The following ITPR2 variants were observed in gnomAD, a reference collection of about 807,000 sequenced individuals.
The protein encoded by ITPR2 is inositol 1,4,5-trisphosphate receptor type 2, also known as inositol 1,4,5-trisphosphate-gated calcium channel ITPR2.
ITPR2 carries 207 observed loss-of-function variants against 317.1 expected under a neutral mutation model. That is an observed-to-expected ratio of 0.65 (90% CI 0.58 to 0.73). ITPR2 has a LOEUF of 0.73. Ranked by LOEUF, ITPR2 falls within the 30% of genes least tolerant of loss-of-function variation. The pLI is 0.00. For synonymous variants in ITPR2, 1,156 were observed against 1,149.1 expected (o/e 1.01, Z -0.12); for missense variants, 2,613 against 3,284.0 (o/e 0.80, Z 4.99).
At chr12:26,755,731 G>C (rs1011200397) in intron 2 of ITPR2, among the ~76,000 whole-genome samples, 21 of 152,094 alleles carry the variant, frequency 1.4e-4, no homozygotes, top group African/African-American at 5.1e-4. Context: ...TTATTTTACC[G>C]AGGCTTTGAC....
At chr12:26,649,429 T>G (rs1056713019) in intron 21 of ITPR2, 8 of 152,242 alleles carry the variant, frequency 5.3e-5, no homozygotes, top group African/African-American at 1.9e-4. Context: ...CAATCCATTT[T>G]CAAATTGTAT....
chr12:26,566,252 A>G (rs1378525157), intron 34 of ITPR2, among the ~76,000 whole-genome samples: 1 of 112,748 alleles, frequency 8.9e-6, no homozygotes, highest in African/African-American at 3.4e-5. Flanking sequence ...GAGAGGTGAG[A>G]GGAGAGGGAG....
At position 26,495,181 on chromosome 12, in the gene ITPR2, C is replaced by T; in HGVS notation, c.5153G>A (p.Gly1718Glu). ...YSIGVNGHLS[G>E]AYSKTAQVGG... Reference sequence around the variant, plus strand: ...CACCTGTGCAGTTTTGGAGTAGGCTCCTGATAGGTGTCCATTCACACCAAT... The same window carrying T: ...CACCTGTGCAGTTTTGGAGTAGGCTTCTGATAGGTGTCCATTCACACCAAT... The change falls in exon 38 of 57, where the codon GGA becomes GAA. Residue 1718 changes from glycine (G) to glutamate (E), a missense_variant. This residue lies in a region of ITPR2 where 926 missense variants were observed against 1,072.8 expected (regional missense o/e 0.86). Coordinates refer to ENST00000381340, the MANE Select transcript of ITPR2 (RefSeq NM_002223.4). The T allele has an allele frequency of 1.9e-6, 3 of 1,607,238 alleles. No homozygotes were observed. The highest frequency in any genetic ancestry group is 2.6e-6 in the Non-Finnish European group (3 of 1,173,792).
At chr12:26,456,834 G>T (rs946755180) in intron 45 of ITPR2, among the ~76,000 whole-genome samples, 1 of 152,070 alleles carries the variant, frequency 6.6e-6, no homozygotes, top group East Asian at 1.9e-4. Flanking sequence ...CATCACGCCC[G>T]GCTAATTTTT....
chr12:26,529,276 T>G (rs1027791796), intron 37 of ITPR2, among the ~76,000 whole-genome samples: 5 of 152,210 alleles, frequency 3.3e-5, no homozygotes, highest in African/African-American at 1.2e-4. Flanking sequence ...ACAAAGGGCC[T>G]ACATGATCCA....
At chr12:26,444,116 T>C (rs997250795) in intron 45 of ITPR2, among the ~76,000 whole-genome samples, 7 of 152,304 alleles carry the variant, frequency 4.6e-5, no homozygotes, top group African/African-American at 9.6e-5. Flanking sequence ...TAAAGTCCTA[T>C]GTTGCTTCAT....
intron 32 of ITPR2, among the ~76,000 whole-genome samples, chr12:26,580,828 T>G (rs114266577): frequency 6.6e-6 from 1 of 152,148 alleles, no homozygotes; most frequent in Non-Finnish European, 1.5e-5. Context: ...TTACATCTGA[T>G]GAAATGAGGC....
At chr12:26,484,139 G>C (rs1212004760) in intron 41 of ITPR2, among the ~76,000 whole-genome samples, 1 of 137,202 alleles carries the variant, frequency 7.3e-6, no homozygotes, top group Non-Finnish European at 1.7e-5. Context: ...GTGTATATGT[G>C]TGTATATATG....
chr12:26,766,185 T>G (rs1410842347), intron 2 of ITPR2, among the ~76,000 whole-genome samples: 1 of 152,186 alleles, frequency 6.6e-6, no homozygotes, highest in African/African-American at 2.4e-5. Context: ...TATTATAGCT[T>G]TCTGAGGAAC....
chr12:26,499,033 A>G (rs1156639382), intron 37 of ITPR2, among the ~76,000 whole-genome samples: 1 of 152,194 alleles, frequency 6.6e-6, no homozygotes, highest in Non-Finnish European at 1.5e-5. Flanking sequence ...TCACACTGCT[A>G]CAAGAACCCA....
intron 23 of ITPR2, among the ~76,000 whole-genome samples, chr12:26,625,865 G>C (rs1280254046): frequency 6.6e-6 from 1 of 151,910 alleles, no homozygotes; most frequent in East Asian, 1.9e-4. Context: ...TGTGGGAAAG[G>C]GCATTTTTTT....
chr12:26,810,991 G>T (rs1183439624), intron 1 of ITPR2, among the ~76,000 whole-genome samples: 2 of 126,976 alleles, frequency 1.6e-5, no homozygotes, highest in Non-Finnish European at 3.1e-5. Context: ...AACAAACAAT[G>T]AAGTTTAAAT....
intron 34 of ITPR2, among the ~76,000 whole-genome samples, chr12:26,572,057 T>C (rs906451389): frequency 6.6e-6 from 1 of 152,216 alleles, no homozygotes; most frequent in African/African-American, 2.4e-5. Context: ...AGTACTCTCT[T>C]GACTTTGTTG....
chr12:26,563,415 C>G (rs186927298), intron 34 of ITPR2, among the ~76,000 whole-genome samples: 1 of 152,002 alleles, frequency 6.6e-6, no homozygotes, highest in African/African-American at 2.4e-5. Flanking sequence ...ACTAAAAATA[C>G]GAAAACTAGC....
intron 2 of ITPR2, among the ~76,000 whole-genome samples, chr12:26,765,117 G>A (rs912040524): frequency 1.3e-5 from 2 of 151,978 alleles, no homozygotes; most frequent in African/African-American, 4.8e-5. Flanking sequence ...AGTAGAACTT[G>A]AACAATACCC....
rs1306117179 is a variant in ITPR2, at chr12:26,339,154, C to G, written c.*243G>C. ...CTCCAGCCTTTTGGGCAAGCCTTTTCTTCCTGATGCATTGCGAATGTGTGA... is the reference window on the plus strand; with the variant it reads ...CTCCAGCCTTTTGGGCAAGCCTTTTGTTCCTGATGCATTGCGAATGTGTGA... On this transcript the variant is annotated 3_prime_UTR_variant, in exon 57 of 57. Coordinates refer to ENST00000381340, the MANE Select transcript of ITPR2 (RefSeq NM_002223.4). 3 of 427,284 alleles carry G rather than the reference C, an allele frequency of 7.0e-6. No individual in the cohort carries two copies. Among genetic ancestry groups the G allele is most frequent in the Non-Finnish European group, 1.3e-5 (3 of 237,348 alleles). The allele number at this position is 427,284 out of a possible 1,614,324, so 26.5% of individuals were successfully genotyped here.
intron 36 of ITPR2, among the ~76,000 whole-genome samples, chr12:26,555,785 T>C (rs1944647656): frequency 6.6e-6 from 1 of 152,184 alleles, no homozygotes; most frequent in Admixed American, 6.5e-5. Flanking sequence ...CAGGCTGACC[T>C]CCCAGTCTCT....
At chr12:26,492,036 A>C (rs1942819433) in intron 39 of ITPR2, among the ~76,000 whole-genome samples, 1 of 152,240 alleles carries the variant, frequency 6.6e-6, no homozygotes, top group Non-Finnish European at 1.5e-5. Context: ...GAGTGAGAAC[A>C]GAGAGTCCAA....
intron 26 of ITPR2, among the ~76,000 whole-genome samples, chr12:26,613,508 C>T (rs769365320): frequency 3.3e-5 from 5 of 152,044 alleles, no homozygotes; most frequent in Admixed American, 1.3e-4. Context: ...TTGGCTCTGA[C>T]GGCATCAGTC....
Sources: gnomAD v4.1 joint callset for allele counts (sites outside exome capture counted in the v4.1 genomes callset) on GRCh38, gnomAD v4.1.1 for gene constraint, gnomAD v4.1.1 regional missense constraint, MANE v1.5 for transcripts, NCBI Gene and HGNC (gene_info 2026-07-23, HGNC 2026-07-21) for gene names.